ANKRD27: variants seen among roughly 807,000 people sequenced by gnomAD.
ANKRD27 encodes the protein ankyrin repeat domain-containing protein 27.
In ANKRD27, 112 loss-of-function variants were observed where a neutral mutation model predicts 129.7. That is an observed-to-expected ratio of 0.86 (90% CI 0.74 to 1.01). The LOEUF (loss-of-function observed/expected upper bound fraction) is 1.01, where lower values mean the gene tolerates loss of function less well. Ranked by LOEUF, ANKRD27 falls within the 50% of genes least tolerant of loss-of-function variation. The pLI is 0.00. For missense variants in ANKRD27, 1,258 were observed against 1,300.5 expected (o/e 0.97, Z 0.50); for synonymous variants, 516 against 511.2 (o/e 1.01, Z -0.13).
intron 1 of ANKRD27, among the ~76,000 whole-genome samples, chr19:32,665,764 T>C (rs866824662): frequency 2.7e-5 from 4 of 149,146 alleles, no homozygotes; most frequent in South Asian, 4.2e-4. Flanking sequence ...CAGCCTGCCG[T>C]TTTTTTTGTT....
intron 1 of ANKRD27, among the ~76,000 whole-genome samples, chr19:32,670,944 C>A (rs71351185): frequency 0.074 from 11,238 of 152,038 alleles, 710 homozygotes; most frequent in East Asian, 0.17. Flanking sequence ...CAAGATCACA[C>A]CATTGCACTC....
chr19:32,615,023 T>C (rs1971893284), intron 22 of ANKRD27, among the ~76,000 whole-genome samples: 1 of 152,112 alleles, frequency 6.6e-6, no homozygotes, highest in African/African-American at 2.4e-5. Context: ...CAGCAGAACA[T>C]GCGTGCAGCT....
intron 2 of ANKRD27, among the ~76,000 whole-genome samples, chr19:32,653,240 C>T (rs113384122): frequency 0.031 from 4,671 of 152,212 alleles, 145 homozygotes; most frequent in Non-Finnish European, 0.037. Flanking sequence ...GGGGTCTCAG[C>T]GCCCTTAGCT....
rs1171806982 is a variant in ANKRD27, at chr19:32,597,428, A to AAC, written c.*716_*717insGT. 2.0e-5 allele frequency: 3 copies of AAC among 152,720 alleles called. No homozygotes were observed. The highest frequency in any genetic ancestry group is 7.2e-5 in the African/African-American group (3 of 41,446). The allele number at this position is 152,720 out of a possible 1,614,324, so 9.5% of individuals were successfully genotyped here. Reference sequence around the variant, plus strand: ...TGTGAGTGTGACAGACATTCAAGGGAGGTTCTCAACAAAAAGGGATGTTTC... The same window carrying AAC: ...TGTGAGTGTGACAGACATTCAAGGGAACGGTTCTCAACAAAAAGGGATGTTTC... On this transcript the variant is annotated 3_prime_UTR_variant, in exon 29 of 29. Coordinates refer to ENST00000306065, the MANE Select transcript of ANKRD27 (RefSeq NM_032139.3).
At chr19:32,664,510 T>C (rs937278223) in intron 1 of ANKRD27, among the ~76,000 whole-genome samples, 2 of 151,604 alleles carry the variant, frequency 1.3e-5, no homozygotes, top group South Asian at 2.1e-4. Flanking sequence ...TTCCAGCTAC[T>C]TGGGAGGCTG....
intron 12 of ANKRD27, 65 bp downstream of exon 12, chr19:32,639,291 C>A: frequency 6.2e-7 from 1 of 1,605,644 alleles, no homozygotes; most frequent in Non-Finnish European, 8.5e-7. Flanking sequence ...CATACCAACC[C>A]CAGCACCCTA....
At position 32,644,359 on chromosome 19, in the gene ANKRD27, C is replaced by T. The variant is rs376471915; in HGVS notation, c.491G>A (p.Arg164Gln). 58 of 1,613,646 alleles carry T rather than the reference C, an allele frequency of 3.6e-5. 1 individual carries two copies. The highest frequency in any genetic ancestry group is 2.4e-4 in the African/African-American group (18 of 74,894). ...RNIASFHRTF[R>Q]ECERKSLRHH... Reference sequence around the variant, plus strand: ...ACGGAGGCTCTTTCTCTCGCATTCTCGGAATGTTCGATGGAAAGAGGCGAT... The same window carrying T: ...ACGGAGGCTCTTTCTCTCGCATTCTTGGAATGTTCGATGGAAAGAGGCGAT... The change falls in exon 5 of 29, where the codon CGA becomes CAA. Residue 164 changes from arginine to glutamine, a missense_variant. Coordinates refer to ENST00000306065, the MANE Select transcript of ANKRD27 (RefSeq NM_032139.3).
rs1285330100 is a variant in ANKRD27 at position 32,639,426 on chromosome 19, C to A, written c.1046G>T (p.Gly349Val). 6.2e-7 allele frequency: 1 copy of A among 1,614,154 alleles called. No individual in the cohort carries two copies. ...AGCTTCGAATGAGGTCAGGCAGTATCCCAGTTCATCCTTTGCCAAGCTGCT... is the reference window on the plus strand; with the variant it reads ...AGCTTCGAATGAGGTCAGGCAGTATACCAGTTCATCCTTTGCCAAGCTGCT... The part of the protein sequence containing the change: ...RFSSLAKDEL[G>V]YCLTSFEAAI... The change falls in exon 12 of 29, where the codon GGA (glycine) becomes GTA (valine). Residue 349 changes from glycine to valine, a missense_variant. Coordinates refer to ENST00000306065, the MANE Select transcript of ANKRD27 (RefSeq NM_032139.3).
In ANKRD27 at chr19:32,622,482, C is replaced by T. The variant is rs757621638; in HGVS notation, c.1767G>A (p.Ala589=). Residue 589 remains alanine, a synonymous_variant, in exon 18 of 29, where the codon GCG becomes GCA. Coordinates refer to ENST00000306065, the MANE Select transcript of ANKRD27 (RefSeq NM_032139.3). ...GVIETLLQNG[A]STEIQNRLKE... is the part of the protein sequence containing the mutation. ...TCAGTCTGTTCTGGATCTCGGTGGA[C>T]GCTCCGTTCTGCAGCAATGTCTCTA... 41 of 1,613,694 alleles carry T rather than the reference C, an allele frequency of 2.5e-5. 1 individual carries two copies. The highest frequency in any genetic ancestry group is 1.3e-4 in the South Asian group (12 of 91,064).
intron 26 of ANKRD27, 92 bp from the exon 27 acceptor site, chr19:32,600,142 A>C: frequency 1.4e-5 from 14 of 990,842 alleles, no homozygotes; most frequent in Non-Finnish European, 2.0e-5. Context: ...TTCTATTCTC[A>C]GATTTACAAA....
At chr19:32,615,185 G>A (rs974732703) in intron 22 of ANKRD27, among the ~76,000 whole-genome samples, 6 of 152,196 alleles carry the variant, frequency 3.9e-5, no homozygotes, top group Admixed American at 6.5e-5. Flanking sequence ...GCTGGCACCC[G>A]CCCTAGGCTA....
chr19:32,651,473 G>T (rs549213777), intron 2 of ANKRD27, among the ~76,000 whole-genome samples: 1 of 152,020 alleles, frequency 6.6e-6, no homozygotes, highest in African/African-American at 2.4e-5. Flanking sequence ...GGATTCACAC[G>T]ATTCTCCTGC....
At chr19:32,647,589 C>T (rs958979816) in intron 3 of ANKRD27, among the ~76,000 whole-genome samples, 2 of 152,208 alleles carry the variant, frequency 1.3e-5, no homozygotes, top group Non-Finnish European at 2.9e-5. Context: ...AGGTTTGTGG[C>T]GCTGTGACAG....
In ANKRD27 at chr19:32,644,464, G is replaced by T. The variant is rs776850437; in HGVS notation, c.386C>A (p.Pro129His). The change falls in exon 5 of 29, where the codon CCC becomes CAC. Residue 129 changes from proline to histidine, a missense_variant. Pro to His is a moderately conservative substitution (Grantham distance 77, BLOSUM62 -2). Transcript: ENST00000306065. ...KRESSEEPLA[P>H]SDPFSLKTIE... ...GGTTTTCAGGGAAAAGGGATCTGAGGGTGCCAAAGGCTCTTCTGAAAAAGA... is the reference window on the plus strand; with the variant it reads ...GGTTTTCAGGGAAAAGGGATCTGAGTGTGCCAAAGGCTCTTCTGAAAAAGA... 7 of 1,613,710 alleles carry T rather than the reference G, an allele frequency of 4.3e-6. No homozygotes were observed. The highest frequency in any genetic ancestry group is 5.9e-6 in the Non-Finnish European group (7 of 1,179,768).
rs546572208 is a variant in ANKRD27, at chr19:32,626,979, A to G, written c.1421-152T>C. The G allele has an allele frequency of 4.0e-5, 23 of 574,584 alleles. No individual in the cohort carries two copies. In the East Asian group the frequency reaches 6.7e-4, roughly 17 times the overall value. 35.6% of individuals were successfully genotyped at this position (574,584 alleles called of 1,614,324 possible). A position where few individuals can be genotyped will look rare whatever the true frequency, so the allele number is the denominator to read the frequency against. ...CTGCTAGAGAGGAACTACAGCTAAT[A>G]TAAAGTAAGGCTCCGCAGACTCCAG... On this transcript the variant is annotated intron_variant, in intron 15 of 28. Transcript: ENST00000306065.
In ANKRD27 at chr19:32,642,040, C is replaced by T; in HGVS notation, c.888G>A (p.Gln296=). 6.2e-7 allele frequency: 1 copy of T among 1,602,668 alleles called. No homozygotes were observed. The highest frequency in any genetic ancestry group is 1.1e-5 in the South Asian group (1 of 90,124). Residue 296 remains glutamine, a synonymous_variant, in exon 10 of 29, where the codon CAG becomes CAA. Coordinates refer to ENST00000306065, the MANE Select transcript of ANKRD27 (RefSeq NM_032139.3). ...CLRKVVQLIT[Q]SPSQRVNLET... is the part of the protein sequence containing the mutation. ...AGCACAAACCTCTCTGGCTTGGAGA[C>T]TGTGTAATGAGCTGCACCACTTTTC...
chr19:32,597,487 C>T lies in ANKRD27; in HGVS notation c.*658G>A, dbSNP rs189793463. 5 of 153,196 alleles carry T rather than the reference C, an allele frequency of 3.3e-5. No homozygotes were observed. Among genetic ancestry groups the T allele is most frequent in the African/African-American group, 7.2e-5 (3 of 41,550 alleles). 9.5% of individuals were successfully genotyped at this position (153,196 alleles called of 1,614,324 possible). On this transcript the variant is annotated 3_prime_UTR_variant, in exon 29 of 29. Coordinates refer to ENST00000306065, the MANE Select transcript of ANKRD27 (RefSeq NM_032139.3). ...CTGCTACAGGTGCACGTGTAGTAAC[C>T]GAATATCTGTACCTACTTGTTAGAA...
rs1218960474 is a variant in ANKRD27 at position 32,656,154 on chromosome 19, A to C, written c.102+2760T>G. On this transcript the variant is annotated intron_variant, in intron 2 of 28. Coordinates refer to ENST00000306065, the MANE Select transcript of ANKRD27 (RefSeq NM_032139.3). The stretch of plus-strand genomic sequence containing the variant: ...AAAGAAAAGAAAAAGAAAAGCCTGA[A>C]GTGGCAGCTGCCAGGCTCACTAACA... Among the ~76,000 whole-genome samples, 4 of 152,068 alleles carry C rather than the reference A, an allele frequency of 2.6e-5. No homozygotes were observed. In the East Asian group the frequency reaches 5.8e-4, roughly 22 times the overall value.
chr19:32,659,903 CA>C (rs970128791), intron 1 of ANKRD27, among the ~76,000 whole-genome samples: 155 of 151,532 alleles, frequency 1.0e-3, no homozygotes, highest in African/African-American at 3.5e-3. Context: ...AATTTATCTA[CA>C]AAAAAAACCA....
Sources: gnomAD v4.1 joint callset for allele counts (sites outside exome capture counted in the v4.1 genomes callset) on GRCh38, gnomAD v4.1.1 for gene constraint, MANE v1.5 for transcripts, NCBI Gene and HGNC (gene_info 2026-07-23, HGNC 2026-07-21) for gene names.